ASIC2: variants seen among roughly 807,000 people sequenced by gnomAD.
ASIC2 encodes acid-sensing ion channel 2.
A neutral mutation model predicts 57.3 loss-of-function variants in ASIC2; 25 were observed. That is an observed-to-expected ratio of 0.44 (90% confidence interval 0.32 to 0.61). The LOEUF is 0.61. ASIC2 is among the 20% of genes least tolerant of loss of function. The pLI, the probability that ASIC2 is intolerant of heterozygous loss-of-function variation, is 0.06. For synonymous variants in ASIC2, 319 were observed against 307.5 expected, an observed-to-expected ratio of 1.04 and a Z score of -0.39; for missense variants, 641 against 738.1, an observed-to-expected ratio of 0.87 and a Z score of 1.52.
intron 1 of ASIC2, among the ~76,000 whole-genome samples, chr17:33,959,889 T>C (rs1393509588): frequency 1.3e-5 from 2 of 152,354 alleles, no homozygotes; most frequent in South Asian, 2.1e-4. Context: ...CTGCTGTTCT[T>C]GCATATGGTG....
At chr17:33,421,914 A>G (rs188167167) in intron 1 of ASIC2, among the ~76,000 whole-genome samples, 63 of 152,206 alleles carry the variant, frequency 4.1e-4, no homozygotes, top group Admixed American at 9.2e-4. Flanking sequence ...CCTAACCAAC[A>G]CTAACCAAGC....
intron 1 of ASIC2, among the ~76,000 whole-genome samples, chr17:33,172,795 G>A (rs1211283742): frequency 6.6e-6 from 1 of 152,328 alleles, no homozygotes. Flanking sequence ...GATTCTCAGG[G>A]CTTACTCTGG....
At chr17:33,228,411 C>A (rs1567791404) in intron 1 of ASIC2, among the ~76,000 whole-genome samples, 1 of 152,228 alleles carries the variant, frequency 6.6e-6, no homozygotes, top group African/African-American at 2.4e-5. Context: ...GAAAGCAAAG[C>A]CCATGAGAAG....
At chr17:33,237,880 C>G (rs778878366) in intron 1 of ASIC2, among the ~76,000 whole-genome samples, 2 of 152,198 alleles carry the variant, frequency 1.3e-5, no homozygotes, top group Non-Finnish European at 2.9e-5. Context: ...AGCCATCACT[C>G]TTGCTCCATC....
chr17:33,847,671 A>T (rs1286334056), intron 1 of ASIC2, among the ~76,000 whole-genome samples: 1 of 152,190 alleles, frequency 6.6e-6, no homozygotes, highest in African/African-American at 2.4e-5. Flanking sequence ...AGTCTTCTGC[A>T]TGCCAGGGTG....
rs116022437 is a variant in ASIC2 at position 33,571,011 on chromosome 17, A to C, written c.556-458944T>G. ...TTCAAGAGTTGGAGAAAGAGATTTC[A>C]CTCTTTTGATGGGAGGAGATCTAAA... On this transcript the variant is annotated intron_variant, in intron 1 of 9. Transcript: ENST00000359872. Among the ~76,000 whole-genome samples, 796 of 152,170 alleles carry C rather than the reference A, an allele frequency of 5.2e-3. 5 individuals are homozygous for C. The highest frequency in any genetic ancestry group is 0.048 in the Middle Eastern group (14 of 294).
intron 1 of ASIC2, among the ~76,000 whole-genome samples, chr17:33,236,794 G>A (rs1333747524): frequency 1.2e-4 from 18 of 152,144 alleles, no homozygotes; most frequent in Non-Finnish European, 2.9e-5. Flanking sequence ...CGTGTCAATG[G>A]AGGGAGAAAT....
intron 1 of ASIC2, among the ~76,000 whole-genome samples, chr17:33,863,900 G>GTTTTTTTTTTTTT (rs1031021531): frequency 2.8e-5 from 2 of 72,494 alleles, no homozygotes; most frequent in Non-Finnish European, 6.2e-5. Context: ...CTCTTTTTTT[G>GTTTTTTTTTTTTT]TTTTTTTTTT....
Position 33,678,435 on chromosome 17 carries a change from C to CCACACACACACACACACACACACACACA in ASIC2, c.555+477515_555+477542dup, listed in dbSNP as rs71144896. On this transcript the variant is annotated intron_variant, in intron 1 of 9. Coordinates refer to the ASIC2 transcript ENST00000359872. Reference sequence around the variant, plus strand: ...TCTGAACTATGGTGCCTGGTTCAATCCACACACACACACACACACACACAC... The same window carrying CCACACACACACACACACACACACACACA: ...TCTGAACTATGGTGCCTGGTTCAATCCACACACACACACACACACACACACACACACACACACACACACACACACACAC... Among the ~76,000 whole-genome samples the CCACACACACACACACACACACACACACA allele has an allele frequency of 1.5e-3, 209 of 139,598 alleles. 2 individuals are homozygous for CCACACACACACACACACACACACACACA. The highest frequency in any genetic ancestry group is 5.2e-3 in the African/African-American group (198 of 38,086). 91.6% of individuals were successfully genotyped at this position (139,598 alleles called of 152,430 possible).
At chr17:33,373,608 G>C (rs1040357250) in intron 1 of ASIC2, among the ~76,000 whole-genome samples, 1 of 152,112 alleles carries the variant, frequency 6.6e-6, no homozygotes, top group African/African-American at 2.4e-5. Flanking sequence ...TGTGGCTAGA[G>C]GTCACAAGAT....
At chr17:33,856,244 A>G (rs1783259264) in intron 1 of ASIC2, among the ~76,000 whole-genome samples, 1 of 152,212 alleles carries the variant, frequency 6.6e-6, no homozygotes. Flanking sequence ...GTACAATAGG[A>G]AAAAGCATCA....
intron 1 of ASIC2, among the ~76,000 whole-genome samples, chr17:33,526,827 C>T (rs1480261303): frequency 1.3e-5 from 2 of 152,198 alleles, no homozygotes. Flanking sequence ...ACTGTGTCTC[C>T]TGGAAAGGCC....
Position 33,342,321 on chromosome 17 carries a change from TAC to T in ASIC2, c.556-230256_556-230255del, listed in dbSNP as rs1907753838. ...GTGGAGAGTCGAGTGTGTGTGTGTG[TAC>T]ATGTGTGTGTGTACGTGTGTGTGTG... is the stretch of plus-strand genomic sequence containing the variant. On this transcript the variant is annotated intron_variant, in intron 1 of 9. Transcript: ENST00000359872. Among the ~76,000 whole-genome samples the T allele has an allele frequency of 4.4e-5, 4 of 91,630 alleles. No individual in the cohort carries two copies. The South Asian group carries it at 2.1e-3, about 49-fold the overall frequency. The allele number at this position is 91,630 out of a possible 152,430, so 60.1% of individuals were successfully genotyped here. A position where few individuals can be genotyped will look rare whatever the true frequency, so the allele number is the denominator to read the frequency against.
intron 1 of ASIC2, among the ~76,000 whole-genome samples, chr17:34,014,089 C>T (rs1906863223): frequency 6.6e-6 from 1 of 152,150 alleles, no homozygotes; most frequent in East Asian, 1.9e-4. Flanking sequence ...CATTACTGGA[C>T]ATGGTGATAG....
intron 1 of ASIC2, among the ~76,000 whole-genome samples, chr17:33,213,458 T>C (rs1303680473): frequency 1.3e-5 from 2 of 152,208 alleles, no homozygotes; most frequent in African/African-American, 4.8e-5. Flanking sequence ...CCTGTTCTTT[T>C]AGCCATTGGA....
At chr17:34,086,037 C>G (rs1910101324) in intron 1 of ASIC2, among the ~76,000 whole-genome samples, 1 of 151,378 alleles carries the variant, frequency 6.6e-6, no homozygotes, top group African/African-American at 2.4e-5. Flanking sequence ...TCTCTGTTTC[C>G]TTCAGTTCTG....
chr17:33,686,863 A>G (rs1029517158), intron 1 of ASIC2, among the ~76,000 whole-genome samples: 2 of 152,164 alleles, frequency 1.3e-5, no homozygotes, highest in Non-Finnish European at 2.9e-5. Flanking sequence ...ATTGGGGGTG[A>G]AAATGGGGAC....
chr17:33,759,672 T>C (rs950005909), intron 1 of ASIC2, among the ~76,000 whole-genome samples: 6 of 152,206 alleles, frequency 3.9e-5, no homozygotes, highest in Non-Finnish European at 7.4e-5. Context: ...ATGGCCTTGC[T>C]GCTCAGAGTC....
intron 1 of ASIC2, among the ~76,000 whole-genome samples, chr17:33,512,971 T>A (rs1914469706): frequency 6.6e-6 from 1 of 152,210 alleles, no homozygotes; most frequent in African/African-American, 2.4e-5. Context: ...GTGAACATGG[T>A]GAACTTGGCT....
Sources: allele counts gnomAD v4.1 joint callset (sites outside exome capture counted in the v4.1 genomes callset), GRCh38; gene constraint gnomAD v4.1.1; transcripts MANE v1.5; gene names NCBI Gene and HGNC (gene_info 2026-07-23, HGNC 2026-07-21).